Variants in RNF157 observed in about 807,000 individuals in gnomAD.
RNF157 encodes the protein E3 ubiquitin ligase RNF157.
Under a neutral mutation model 88.3 loss-of-function variants are expected in RNF157, and 55 were observed. The observed-to-expected ratio is 0.62, with a 90% CI of 0.50 to 0.78. The LOEUF is 0.78. Among genes scored for constraint, RNF157 ranks in the 30% least tolerant of loss-of-function variants. RNF157 has a pLI of 0.00. For missense variants in RNF157, 788 were observed against 860.8 expected, an observed-to-expected ratio of 0.92 and a Z score of 1.06; for synonymous variants, 334 against 341.2, an observed-to-expected ratio of 0.98 and a Z score of 0.23.
intron 3 of RNF157, among the ~76,000 whole-genome samples, chr17:76,170,659 A>G (rs1218170005): frequency 6.6e-6 from 1 of 152,102 alleles, no homozygotes; most frequent in Non-Finnish European, 1.5e-5. Flanking sequence ...CTCAACTTCT[A>G]GAGGGACCTG....
Position 76,176,228 on chromosome 17 carries a change from G to A in RNF157, c.208-2438C>T, listed in dbSNP as rs1406943148. Among the ~76,000 whole-genome samples, 1 of 152,180 alleles carries A rather than the reference G, an allele frequency of 6.6e-6. No homozygotes were observed. Among genetic ancestry groups the A allele is most frequent in the Non-Finnish European group, 1.5e-5 (1 of 68,020 alleles). ...CTGACATAGTAATTGTAATATCAAA[G>A]AGATTAAATATATGGATATTTTTTT... On this transcript the variant is annotated intron_variant, in intron 2 of 18. Coordinates refer to ENST00000269391, the MANE Select transcript of RNF157 (RefSeq NM_052916.3). The surrounding 1 kb of genome is among the most constrained non-coding windows in gnomAD (Gnocchi z 4.2).
chr17:76,238,680 A>T (rs1229373145), intron 1 of RNF157, among the ~76,000 whole-genome samples: 1 of 152,224 alleles, frequency 6.6e-6, no homozygotes, highest in Non-Finnish European at 1.5e-5. Flanking sequence ...CATGTGGTTT[A>T]AGAAAAACAG....
chr17:76,156,451 T>C (rs1005261139), intron 13 of RNF157, 130 bp from the exon 14 acceptor site: 1 of 1,478,128 alleles, frequency 6.8e-7, no homozygotes, highest in South Asian at 1.4e-5. Context: ...CTGAGTGGCA[T>C]GCAGAGGCCG....
chr17:76,200,256 C>A (rs1318919354), intron 2 of RNF157, among the ~76,000 whole-genome samples: 4 of 150,942 alleles, frequency 2.7e-5, no homozygotes, highest in South Asian at 2.1e-4. Context: ...AAAAAAAAAA[C>A]AAAAACAAAA....
chr17:76,177,027 T>A (rs113304440), intron 2 of RNF157, among the ~76,000 whole-genome samples: 2 of 152,068 alleles, frequency 1.3e-5, no homozygotes, highest in South Asian at 2.1e-4. Context: ...GCAGATGGCC[T>A]GGCCCAGGCC....
chr17:76,146,333 C>T lies in RNF157; in HGVS notation c.1922-980G>A, dbSNP rs532296150. 2.8e-5 allele frequency: 28 copies of T among 985,194 alleles called. No homozygotes were observed. The South Asian group carries it at 3.3e-4, about 12-fold the overall frequency. The allele number at this position is 985,194 out of a possible 1,614,324, so 61.0% of individuals were successfully genotyped here. A position where few individuals can be genotyped will look rare whatever the true frequency, so the allele number is the denominator to read the frequency against. On this transcript the variant is annotated intron_variant, in intron 18 of 18. Coordinates refer to ENST00000269391, the MANE Select transcript of RNF157 (RefSeq NM_052916.3). This position sits in a 1 kb window ranked among gnomAD's most constrained non-coding sequence, Gnocchi z 4.2. ...TGAGGACTAGATGAGAGAATGCGAG[C>T]GTTGGTGAGTATCTGACTCCTAGAA...
At chr17:76,182,824 A>T (rs988210754) in intron 2 of RNF157, among the ~76,000 whole-genome samples, 1 of 130,166 alleles carries the variant, frequency 7.7e-6, no homozygotes, top group African/African-American at 3.2e-5. Flanking sequence ...TATATCCTAT[A>T]TATCCTATAT....
At chr17:76,175,166 G>T (rs1259097310) in intron 2 of RNF157, among the ~76,000 whole-genome samples, 1 of 152,104 alleles carries the variant, frequency 6.6e-6, no homozygotes, top group Non-Finnish European at 1.5e-5. Context: ...CACCTAAAAA[G>T]ATGTGGTAAA....
At chr17:76,150,465 C>CT (rs1218309576) in intron 18 of RNF157, among the ~76,000 whole-genome samples, 1 of 152,174 alleles carries the variant, frequency 6.6e-6, no homozygotes, top group African/African-American at 2.4e-5. Context: ...TCCACTAGCA[C>CT]TGTTGGCTAA....
At chr17:76,219,779 A>G (rs1598439152) in intron 1 of RNF157, among the ~76,000 whole-genome samples, 1 of 152,320 alleles carries the variant, frequency 6.6e-6, no homozygotes, top group East Asian at 1.9e-4. Context: ...GTACATCTCA[A>G]TAGGAAAGAA....
At chr17:76,204,439 C>T (rs1211559527) in intron 2 of RNF157, among the ~76,000 whole-genome samples, 1 of 152,206 alleles carries the variant, frequency 6.6e-6, no homozygotes, top group Non-Finnish European at 1.5e-5. Context: ...AGCTGCCCCA[C>T]TCTGCAGCAA....
chr17:76,203,234 A>G (rs2069617453), intron 2 of RNF157, among the ~76,000 whole-genome samples: 1 of 151,774 alleles, frequency 6.6e-6, no homozygotes. Flanking sequence ...CAAGCAATCC[A>G]CCCACCTCAG....
In RNF157 at chr17:76,143,184, G is replaced by C. The variant is rs1443855099; in HGVS notation, c.*2051C>G. 6.6e-6 allele frequency: 1 copy of C among 152,270 alleles called. No individual in the cohort carries two copies. The highest frequency in any genetic ancestry group is 2.4e-5 in the African/African-American group (1 of 41,444). The allele number at this position is 152,270 out of a possible 1,614,324, so 9.4% of individuals were successfully genotyped here. A position where few individuals can be genotyped will look rare whatever the true frequency, so the allele number is the denominator to read the frequency against. ...ACATTTCTAACCTAGGTATGCCTTG[G>C]ACATGGGACTGAGGCCTTGAGGAAT... is the stretch of plus-strand genomic sequence containing the variant. On this transcript the variant is annotated 3_prime_UTR_variant, in exon 19 of 19. Transcript: ENST00000269391.
At chr17:76,230,052 A>C (rs898026977) in intron 1 of RNF157, among the ~76,000 whole-genome samples, 1 of 152,192 alleles carries the variant, frequency 6.6e-6, no homozygotes, top group African/African-American at 2.4e-5. Context: ...TATTCTGAAT[A>C]TATCATGTGA....
Position 76,158,392 on chromosome 17 carries a change from C to T in RNF157, c.1413+1G>A. ...AAGAAGAGGAGAGGAATGTCAATTA[C>T]CTCTCCGAGATGCTGAACCGACGGT... On this transcript the variant is annotated splice_donor_variant, in intron 13 of 18. Transcript: ENST00000269391. LOFTEE classifies it high-confidence loss of function. 1 of 1,603,912 alleles carries T rather than the reference C, an allele frequency of 6.2e-7. No individual in the cohort carries two copies. The highest frequency in any genetic ancestry group is 8.5e-7 in the Non-Finnish European group (1 of 1,171,284).
chr17:76,200,081 CA>C (rs890480009), intron 2 of RNF157, among the ~76,000 whole-genome samples: 40 of 144,482 alleles, frequency 2.8e-4, no homozygotes, highest in Non-Finnish European at 2.6e-4. Flanking sequence ...ATTAAAAATA[CA>C]AAAAAAAAAA....
rs1463969407 is a variant in RNF157, at chr17:76,195,301, CAGG to C, written c.207+17060_207+17062del. Among the ~76,000 whole-genome samples the C allele has an allele frequency of 6.6e-6, 1 of 152,076 alleles. No individual in the cohort carries two copies. Among genetic ancestry groups the C allele is most frequent in the Non-Finnish European group, 1.5e-5 (1 of 68,032 alleles). On this transcript the variant is annotated intron_variant, in intron 2 of 18. Coordinates refer to ENST00000269391, the MANE Select transcript of RNF157 (RefSeq NM_052916.3). The surrounding 1 kb of genome is among the most constrained non-coding windows in gnomAD (Gnocchi z 4.4). ...GATCTTTTTCCAGACACCACGTAAC[CAGG>C]AGATCACCTGTCTCTCCAACTTCAT...
At position 76,172,077 on chromosome 17, in the gene RNF157, A is replaced by G. The variant is rs556536133; in HGVS notation, c.296+1625T>C. Among the ~76,000 whole-genome samples the G allele has an allele frequency of 2.0e-5, 3 of 152,326 alleles. No individual in the cohort carries two copies. In the South Asian group the frequency reaches 6.2e-4, roughly 32 times the overall value. On this transcript the variant is annotated intron_variant, in intron 3 of 18. Coordinates refer to ENST00000269391, the MANE Select transcript of RNF157 (RefSeq NM_052916.3). The stretch of plus-strand genomic sequence containing the variant: ...GGGGACTGTTCTGCAGCAGACAGGT[A>G]CCTCCTTGAATCTCTCCTCCCCAGA...
At chr17:76,218,636 C>T (rs1398339467) in intron 1 of RNF157, among the ~76,000 whole-genome samples, 2 of 149,802 alleles carry the variant, frequency 1.3e-5, no homozygotes, top group Non-Finnish European at 3.0e-5. Context: ...GACTCTGTCT[C>T]AATAAAGGAA....
Sources: gnomAD v4.1 joint callset for allele counts (sites outside exome capture counted in the v4.1 genomes callset) on GRCh38, gnomAD v4.1.1 for gene constraint, Gnocchi (gnomAD v3.1) non-coding constraint, MANE v1.5 for transcripts, NCBI Gene and HGNC (gene_info 2026-07-23, HGNC 2026-07-21) for gene names.